TENM3: variants seen among roughly 807,000 people sequenced by gnomAD.
TENM3 encodes the protein teneurin-3.
TENM3 carries 63 observed loss-of-function variants against 255.1 expected under a neutral mutation model. The ratio of observed to expected loss-of-function variants is 0.25; its 90% confidence interval spans 0.20 to 0.30. TENM3 has a LOEUF of 0.30. Among genes scored for constraint, TENM3 ranks in the 10% least tolerant of loss-of-function variants. TENM3 has a pLI of 1.00. For missense variants in TENM3, 2,929 were observed against 3,461.1 expected, an observed-to-expected ratio of 0.85 and a Z score of 3.86; for synonymous variants, 1,306 against 1,322.3, an observed-to-expected ratio of 0.99 and a Z score of 0.27.
chr4:182,254,323 TTC>T (rs1285120678), intron 1 of TENM3, among the ~76,000 whole-genome samples: 2 of 135,594 alleles, frequency 1.5e-5, no homozygotes, highest in African/African-American at 6.4e-5. Flanking sequence ...TGAGGACTTT[TTC>T]TCTCTCTCTT....
intron 1 of TENM3, among the ~76,000 whole-genome samples, chr4:182,263,492 G>A (rs540549286): frequency 6.6e-6 from 1 of 152,250 alleles, no homozygotes; most frequent in African/African-American, 2.4e-5. Context: ...ACTATGAGAT[G>A]TTAACTGCTG....
rs112958112 is a variant in TENM3 at position 182,717,960 on chromosome 4, C to A, written c.2368+3727C>A. On this transcript the variant is annotated intron_variant, in intron 13 of 27. Transcript: ENST00000511685. ...GTGCGATCTGGAGTGGGGGTTAAGA[C>A]AGTGACTGTTAACCACAGTCTTCGG... Among the ~76,000 whole-genome samples, 51 of 152,266 alleles carry A rather than the reference C, an allele frequency of 3.3e-4. 2 individuals carry two copies. The highest frequency in any genetic ancestry group is 1.2e-3 in the African/African-American group (50 of 41,548).
chr4:182,722,147 A>G (rs187915852), intron 13 of TENM3, among the ~76,000 whole-genome samples: 228 of 152,310 alleles, frequency 1.5e-3, no homozygotes, highest in Non-Finnish European at 2.7e-3. Flanking sequence ...ATAGTGTTAC[A>G]GGATTTCATA....
At chr4:182,584,284 A>G (rs1560960050) in intron 3 of TENM3, among the ~76,000 whole-genome samples, 2 of 152,222 alleles carry the variant, frequency 1.3e-5, no homozygotes, top group Non-Finnish European at 2.9e-5. Context: ...GAACTATGAC[A>G]ACATGACATT....
At chr4:181,623,035 T>C in the TENM3 span, among the ~76,000 whole-genome samples, 1 of 152,174 alleles carries the variant, frequency 6.6e-6, no homozygotes, top group African/African-American at 2.4e-5. Context: ...TCATTTCTAA[T>C]AGTAACTTTT....
chr4:181,548,905 CT>C, the TENM3 span, among the ~76,000 whole-genome samples: 1 of 152,118 alleles, frequency 6.6e-6, no homozygotes, highest in African/African-American at 2.4e-5. Context: ...AACATTTATT[CT>C]AAATCTCCTT....
intron 13 of TENM3, among the ~76,000 whole-genome samples, chr4:182,727,726 A>G (rs1760334411): frequency 6.6e-6 from 1 of 152,302 alleles, no homozygotes; most frequent in Admixed American, 6.5e-5. Flanking sequence ...TATTTCTAAT[A>G]TTATGGCTGA....
chr4:182,610,744 C>CT (rs34833684), intron 4 of TENM3, among the ~76,000 whole-genome samples: 45,314 of 134,334 alleles, frequency 0.34, 9,426 homozygotes, highest in East Asian at 0.79. Context: ...ACTAAAGTTA[C>CT]TTTTTTTTTT....
chr4:181,531,823 A>G, the TENM3 span, among the ~76,000 whole-genome samples: 1 of 152,202 alleles, frequency 6.6e-6, no homozygotes, highest in Admixed American at 6.5e-5. Context: ...CTGCTGCTTA[A>G]GCAGAAAACT....
chr4:182,264,007 C>T (rs1012981428), intron 1 of TENM3, among the ~76,000 whole-genome samples: 3 of 152,174 alleles, frequency 2.0e-5, no homozygotes, highest in Non-Finnish European at 4.4e-5. Flanking sequence ...TCACTAGGGC[C>T]GCTCAGGGAA....
At chr4:181,908,599 CATAA>C in the TENM3 span, among the ~76,000 whole-genome samples, 1 of 152,042 alleles carries the variant, frequency 6.6e-6, no homozygotes, top group Admixed American at 6.6e-5. Context: ...AATTTAGAAG[CATAA>C]ATAGAGAAAT....
chr4:181,453,723 G>T, the TENM3 span, among the ~76,000 whole-genome samples: 3 of 152,086 alleles, frequency 2.0e-5, no homozygotes, highest in African/African-American at 7.2e-5. Context: ...TGCATGGTTT[G>T]AGAGGAAACA....
At chr4:182,384,382 G>GTAGATA (rs1488589581) in intron 3 of TENM3, among the ~76,000 whole-genome samples, 1 of 151,268 alleles carries the variant, frequency 6.6e-6, no homozygotes, top group East Asian at 1.9e-4. Context: ...AAATTACAGA[G>GTAGATA]TAGACGCAGG....
the TENM3 span, among the ~76,000 whole-genome samples, chr4:181,851,395 A>T: frequency 6.6e-6 from 1 of 152,166 alleles, no homozygotes; most frequent in Non-Finnish European, 1.5e-5. Flanking sequence ...CATGGGATAG[A>T]TGCTGCATCA....
At chr4:182,047,104 G>C in the TENM3 span, among the ~76,000 whole-genome samples, 1 of 152,126 alleles carries the variant, frequency 6.6e-6, no homozygotes, top group Admixed American at 6.5e-5. Context: ...TCTGCTTTAG[G>C]AAAGATTACC....
intron 3 of TENM3, among the ~76,000 whole-genome samples, chr4:182,436,891 A>G (rs1772088402): frequency 6.6e-6 from 1 of 152,056 alleles, no homozygotes; most frequent in African/African-American, 2.4e-5. Context: ...GGTGGTGGGC[A>G]CCTGTTATCC....
chr4:182,175,041 G>A (rs1329231464), intron 1 of TENM3, among the ~76,000 whole-genome samples: 2 of 152,150 alleles, frequency 1.3e-5, no homozygotes, highest in Non-Finnish European at 2.9e-5. Context: ...GTTTGCAGGT[G>A]TGAGGATTAA....
At chr4:182,216,910 A>G (rs534416304) in intron 1 of TENM3, among the ~76,000 whole-genome samples, 1 of 151,972 alleles carries the variant, frequency 6.6e-6, no homozygotes, top group South Asian at 2.1e-4. Flanking sequence ...TTTTGTAACC[A>G]AGGTGTTTAC....
At chr4:182,361,538 A>G (rs566739444) in intron 3 of TENM3, among the ~76,000 whole-genome samples, 28 of 151,906 alleles carry the variant, frequency 1.8e-4, no homozygotes, top group Non-Finnish European at 3.8e-4. Context: ...TGCATTCTTC[A>G]CGTAGTTCTC....
Sources: allele counts gnomAD v4.1 joint callset (sites outside exome capture counted in the v4.1 genomes callset), GRCh38; gene constraint gnomAD v4.1.1; transcripts MANE v1.5; gene names NCBI Gene and HGNC (gene_info 2026-07-23, HGNC 2026-07-21).